Variants in HIBADH observed in about 807,000 individuals in gnomAD.
The protein encoded by HIBADH is 3-hydroxyisobutyrate dehydrogenase, mitochondrial.
In HIBADH, 25 loss-of-function variants were observed where a neutral mutation model predicts 36.1. That is an observed-to-expected ratio of 0.69 (90% CI 0.50 to 0.97). The LOEUF (loss-of-function observed/expected upper bound fraction) is 0.97. Ranked by LOEUF, HIBADH falls within the 50% of genes least tolerant of loss-of-function variation. The pLI is 0.00. For synonymous variants in HIBADH, 160 were observed against 149.5 expected (o/e 1.07, Z -0.51); for missense variants, 421 against 418.0 (o/e 1.01, Z -0.06).
chr7:27,646,944 C>T (rs368044343), intron 2 of HIBADH, among the ~76,000 whole-genome samples: 1 of 152,118 alleles, frequency 6.6e-6, no homozygotes, highest in Non-Finnish European at 1.5e-5. Flanking sequence ...GATCCGCCTG[C>T]CTTGGCCTCC....
chr7:27,581,419 T>C (rs1037008704), intron 4 of HIBADH, among the ~76,000 whole-genome samples: 16 of 152,196 alleles, frequency 1.1e-4, no homozygotes, highest in Admixed American at 3.3e-4. Context: ...TGTTTAATTA[T>C]TCTGCTTCAG....
chr7:27,547,507 A>T (rs1463931121), intron 4 of HIBADH, among the ~76,000 whole-genome samples: 1 of 152,176 alleles, frequency 6.6e-6, no homozygotes, highest in South Asian at 2.1e-4. Flanking sequence ...CACATCCACT[A>T]GCTCTAGTAC....
At chr7:27,553,343 GTTC>G (rs1562619137) in intron 4 of HIBADH, among the ~76,000 whole-genome samples, 1 of 152,162 alleles carries the variant, frequency 6.6e-6, no homozygotes, top group Non-Finnish European at 1.5e-5. Flanking sequence ...AGCAATAGCC[GTTC>G]TTCTATCCCA....
chr7:27,645,173 G>A (rs1011752604), intron 2 of HIBADH, among the ~76,000 whole-genome samples: 2 of 152,004 alleles, frequency 1.3e-5, no homozygotes, highest in Non-Finnish European at 2.9e-5. Flanking sequence ...ATAGCTAGGT[G>A]TGAAATTGCT....
intron 1 of HIBADH, among the ~76,000 whole-genome samples, chr7:27,657,211 C>A (rs6974932): frequency 0.76 from 115,204 of 152,046 alleles, 44,090 homozygotes; most frequent in East Asian, 0.94. Flanking sequence ...CAGACCACAA[C>A]AATGGATTTA....
chr7:27,649,393 C>G, intron 2 of HIBADH, 80 bp downstream of exon 2: 1 of 1,161,690 alleles, frequency 8.6e-7, no homozygotes, highest in Non-Finnish European at 1.2e-6. Flanking sequence ...GGGTATACTT[C>G]TAAGAAGCTG....
At chr7:27,544,637 C>T (rs1404560315) in intron 4 of HIBADH, among the ~76,000 whole-genome samples, 2 of 152,118 alleles carry the variant, frequency 1.3e-5, no homozygotes, top group East Asian at 1.9e-4. Context: ...ACCATATAAC[C>T]ACCATTCCTC....
intron 4 of HIBADH, among the ~76,000 whole-genome samples, chr7:27,605,682 T>C (rs909714488): frequency 2.6e-5 from 4 of 151,730 alleles, no homozygotes; most frequent in African/African-American, 9.7e-5. Flanking sequence ...TCATTTTCAT[T>C]TACTTTCGTT....
chr7:27,599,680 CAAAAAA>C (rs3072889), intron 4 of HIBADH, among the ~76,000 whole-genome samples: 3 of 41,072 alleles, frequency 7.3e-5, no homozygotes, highest in African/African-American at 3.5e-4. Flanking sequence ...ACTCTGTCTC[CAAAAAA>C]AAAAAAAAAA....
At position 27,662,862 on chromosome 7, in the gene HIBADH, C is replaced by A; in HGVS notation, c.-74G>T. On this transcript the variant is annotated 5_prime_UTR_variant, in exon 1 of 8. Coordinates refer to ENST00000265395, the MANE Select transcript of HIBADH (RefSeq NM_152740.4). Reference sequence around the variant, plus strand: ...GCCCACAGACTGCGAGCGTGTGCAGCGGGACTGGCTGGCTCGCCCACGGAG... The same window carrying A: ...GCCCACAGACTGCGAGCGTGTGCAGAGGGACTGGCTGGCTCGCCCACGGAG... The A allele has an allele frequency of 2.5e-6, 3 of 1,217,808 alleles. No homozygotes were observed. The allele number at this position is 1,217,808 out of a possible 1,614,324, so 75.4% of individuals were successfully genotyped here.
intron 4 of HIBADH, among the ~76,000 whole-genome samples, chr7:27,616,456 T>C (rs1000411731): frequency 1.3e-5 from 2 of 152,068 alleles, no homozygotes; most frequent in Admixed American, 6.6e-5. Context: ...CATGTCTTCG[T>C]TGTTTTTTTT....
intron 4 of HIBADH, among the ~76,000 whole-genome samples, chr7:27,594,093 TTGGAA>T (rs1314597213): frequency 5.3e-5 from 8 of 150,342 alleles, no homozygotes; most frequent in Non-Finnish European, 1.2e-4. Flanking sequence ...TAAAAAGACT[TTGGAA>T]TAAGCTGTTG....
intron 4 of HIBADH, among the ~76,000 whole-genome samples, chr7:27,557,748 C>T (rs1784413783): frequency 6.6e-6 from 1 of 152,212 alleles, no homozygotes. Flanking sequence ...GAGGAACCCT[C>T]ATGACCTAAT....
intron 1 of HIBADH, among the ~76,000 whole-genome samples, chr7:27,652,780 C>T (rs909207581): frequency 1.1e-4 from 16 of 152,120 alleles, no homozygotes; most frequent in Non-Finnish European, 2.1e-4. Flanking sequence ...GAGCTCTATC[C>T]GCATGATCTA....
At position 27,616,808 on chromosome 7, in the gene HIBADH, A is replaced by T. The variant is rs530775086; in HGVS notation, c.484+12563T>A. 8.7e-3 allele frequency among the ~76,000 whole-genome samples: 769 copies of T among 88,688 alleles called. 9 individuals carry two copies. Among genetic ancestry groups the T allele is most frequent in the South Asian group, 0.078 (234 of 2,982 alleles). The allele number at this position is 88,688 out of a possible 152,430, so 58.2% of individuals were successfully genotyped here. Reference sequence around the variant, plus strand: ...AAAGAGTTAAAAGGTAAAAAAAAAAAAATTTTTAATTAATAGAAAAAAAGC... The same window carrying T: ...AAAGAGTTAAAAGGTAAAAAAAAAATAATTTTTAATTAATAGAAAAAAAGC... On this transcript the variant is annotated intron_variant, in intron 4 of 7. Transcript: ENST00000265395.
chr7:27,570,347 G>GAT (rs1784611192), intron 4 of HIBADH, among the ~76,000 whole-genome samples: 1 of 152,110 alleles, frequency 6.6e-6, no homozygotes, highest in Admixed American at 6.5e-5. Flanking sequence ...GTATTTTGAT[G>GAT]ATATTGTTCT....
At chr7:27,661,619 G>T (rs1050538845) in intron 1 of HIBADH, among the ~76,000 whole-genome samples, 7 of 149,514 alleles carry the variant, frequency 4.7e-5, no homozygotes, top group African/African-American at 1.5e-4. Context: ...AGGGCGGGGG[G>T]CCAAGGGGCT....
intron 3 of HIBADH, among the ~76,000 whole-genome samples, chr7:27,630,848 T>C (rs754883507): frequency 8.5e-5 from 13 of 152,196 alleles, no homozygotes; most frequent in Non-Finnish European, 1.8e-4. Flanking sequence ...AGAAGAGAAA[T>C]AGCATACTCC....
chr7:27,570,718 G>T (rs968409059), intron 4 of HIBADH, among the ~76,000 whole-genome samples: 1 of 151,814 alleles, frequency 6.6e-6, no homozygotes, highest in African/African-American at 2.4e-5. Context: ...GCGGTGGGGG[G>T]AGTAAAAAGA....
Sources: allele counts gnomAD v4.1 joint callset (sites outside exome capture counted in the v4.1 genomes callset), GRCh38; gene constraint gnomAD v4.1.1; transcripts MANE v1.5; gene names NCBI Gene and HGNC (gene_info 2026-07-23, HGNC 2026-07-21).